Variants in RBPMS observed in about 807,000 individuals in gnomAD.
The protein encoded by RBPMS is RNA-binding protein with multiple splicing.
A neutral mutation model predicts 26.8 loss-of-function variants in RBPMS; 7 were observed. The observed-to-expected ratio is 0.26, with a 90% CI of 0.15 to 0.49. The LOEUF (loss-of-function observed/expected upper bound fraction) is 0.49. RBPMS is among the 20% of genes least tolerant of loss of function. The pLI is 0.98. For missense variants in RBPMS, 186 were observed against 250.0 expected (o/e 0.74, Z 1.73); for synonymous variants, 96 against 93.3 (o/e 1.03, Z -0.17).
In RBPMS at chr8:30,513,702, T is replaced by C. The variant is rs78332937; in HGVS notation, c.397+9266T>C. 6.6e-4 allele frequency among the ~76,000 whole-genome samples: 101 copies of C among 152,170 alleles called. 2 individuals carry two copies. In the East Asian group the frequency reaches 0.016, roughly 25 times the overall value. On this transcript the variant is annotated intron_variant, in intron 5 of 8. Transcript: ENST00000397323. ...ACTTTTGTTTTATGAACTCAAATTA[T>C]TCATTATATTCTTAGAGATGAAAGA...
At chr8:30,551,838 T>C (rs1281700812) in intron 6 of RBPMS, among the ~76,000 whole-genome samples, 1 of 152,200 alleles carries the variant, frequency 6.6e-6, no homozygotes, top group Non-Finnish European at 1.5e-5. Flanking sequence ...CAAGTTGGTT[T>C]TTAACTGCAC....
intron 4 of RBPMS, among the ~76,000 whole-genome samples, chr8:30,485,565 G>A (rs1032692139): frequency 2.6e-5 from 4 of 152,182 alleles, no homozygotes; most frequent in African/African-American, 9.7e-5. Flanking sequence ...GCCATTTGAC[G>A]TCACAGGGTT....
At chr8:30,391,812 C>A (rs1030408675) in intron 1 of RBPMS, among the ~76,000 whole-genome samples, 1 of 152,060 alleles carries the variant, frequency 6.6e-6, no homozygotes, top group East Asian at 1.9e-4. Context: ...AGCTGCTTGG[C>A]TTGTCAGTGT....
At chr8:30,427,532 T>A (rs1391910112) in intron 1 of RBPMS, among the ~76,000 whole-genome samples, 1 of 152,248 alleles carries the variant, frequency 6.6e-6, no homozygotes, top group Non-Finnish European at 1.5e-5. Flanking sequence ...CCAGATCAAA[T>A]GGAAGCCTCG....
intron 8 of RBPMS, among the ~76,000 whole-genome samples, chr8:30,567,636 CATG>C (rs1432056705): frequency 8.1e-6 from 1 of 122,720 alleles, no homozygotes; most frequent in Non-Finnish European, 1.9e-5. Context: ...GCTGGTTAGA[CATG>C]ATTTTAAATG....
In RBPMS at chr8:30,570,641, G is replaced by GA. The variant is rs576307363; in HGVS notation, c.*121dup. ...CATGTTTTCTTTCTGTTTCAGGCTT[G>GA]AAAAACCCTTGCCCAGTTTTGATCC... is the stretch of plus-strand genomic sequence containing the variant. On this transcript the variant is annotated 3_prime_UTR_variant, in exon 9 of 9. Coordinates refer to ENST00000397323, the MANE Select transcript of RBPMS (RefSeq NM_001008710.3). 1.6e-4 allele frequency: 25 copies of GA among 152,590 alleles called. No homozygotes were observed. The highest frequency in any genetic ancestry group is 3.5e-4 in the Non-Finnish European group (24 of 68,026). The allele number at this position is 152,590 out of a possible 1,614,324, so 9.5% of individuals were successfully genotyped here. A position where few individuals can be genotyped will look rare whatever the true frequency, so the allele number is the denominator to read the frequency against.
intron 4 of RBPMS, among the ~76,000 whole-genome samples, chr8:30,487,193 G>T (rs1426810523): frequency 6.6e-6 from 1 of 152,178 alleles, no homozygotes; most frequent in Non-Finnish European, 1.5e-5. Flanking sequence ...TGACGGTTCT[G>T]CAGGGCAGCA....
intron 6 of RBPMS, chr8:30,555,862 TCTC>T (rs1351232367): frequency 3.0e-6 from 3 of 984,984 alleles, no homozygotes; most frequent in South Asian, 4.7e-5. Flanking sequence ...GAGAGAACCC[TCTC>T]CTCATTACCC....
chr8:30,556,325 G>A (rs1202766062), intron 6 of RBPMS: 17 of 985,562 alleles, frequency 1.7e-5, no homozygotes, highest in African/African-American at 7.0e-5. Context: ...CCAGGCTGAC[G>A]AGAGCCTGAA....
intron 1 of RBPMS, among the ~76,000 whole-genome samples, chr8:30,459,664 C>G (rs199965721): frequency 6.6e-6 from 1 of 152,136 alleles, no homozygotes; most frequent in South Asian, 2.1e-4. Context: ...TGAGACCCAA[C>G]AAGGTCAGTC....
chr8:30,461,533 T>C (rs1815896145), intron 1 of RBPMS, among the ~76,000 whole-genome samples: 1 of 152,186 alleles, frequency 6.6e-6, no homozygotes. Context: ...TAGCTGGAAC[T>C]ACAGGCGCGT....
At chr8:30,566,767 T>C (rs543033739) in intron 8 of RBPMS, among the ~76,000 whole-genome samples, 1 of 152,324 alleles carries the variant, frequency 6.6e-6, no homozygotes, top group South Asian at 2.1e-4. Context: ...GTAATGTGTA[T>C]ATCCCCCCAT....
intron 1 of RBPMS, among the ~76,000 whole-genome samples, chr8:30,449,062 T>C (rs1814217045): frequency 1.3e-5 from 2 of 152,198 alleles, no homozygotes; most frequent in Admixed American, 1.3e-4. Context: ...GACAGGTAAC[T>C]TCTGCAAGGG....
chr8:30,464,847 T>C (rs891706150), intron 1 of RBPMS, among the ~76,000 whole-genome samples: 8 of 152,228 alleles, frequency 5.3e-5, no homozygotes, highest in African/African-American at 1.9e-4. Flanking sequence ...AAGTCTTTAT[T>C]GTGGTGATCA....
chr8:30,541,000 G>A (rs144463435), intron 5 of RBPMS, among the ~76,000 whole-genome samples: 2,812 of 152,260 alleles, frequency 0.018, 49 homozygotes, highest in Non-Finnish European at 0.029. Flanking sequence ...TGAGTATGTC[G>A]AGCATGAAGT....
At chr8:30,488,420 T>G (rs2150877477) in intron 4 of RBPMS, among the ~76,000 whole-genome samples, 1 of 152,256 alleles carries the variant, frequency 6.6e-6, no homozygotes, top group East Asian at 1.9e-4. Flanking sequence ...AAAAGAACAT[T>G]GAATAGAAGG....
chr8:30,436,912 G>A (rs934226451), intron 1 of RBPMS, among the ~76,000 whole-genome samples: 4 of 150,648 alleles, frequency 2.7e-5, no homozygotes, highest in African/African-American at 7.4e-5. Flanking sequence ...CTCCCTTGTC[G>A]TGATATATGT....
intron 5 of RBPMS, among the ~76,000 whole-genome samples, chr8:30,530,837 TTCC>T (rs1471750194): frequency 6.6e-6 from 1 of 151,988 alleles, no homozygotes; most frequent in African/African-American, 2.4e-5. Context: ...ACTACTACTA[TTCC>T]TCCTCCTCCT....
chr8:30,558,829 T>A (rs1427279874), intron 6 of RBPMS, 58 bp from the exon 7 acceptor site: 2 of 1,445,402 alleles, frequency 1.4e-6, no homozygotes, highest in Admixed American at 1.7e-5. Flanking sequence ...GGACCCTCCG[T>A]GAGAATGGGG....
Sources: gnomAD v4.1 joint callset for allele counts (sites outside exome capture counted in the v4.1 genomes callset) on GRCh38, gnomAD v4.1.1 for gene constraint, MANE v1.5 for transcripts, NCBI Gene and HGNC (gene_info 2026-07-23, HGNC 2026-07-21) for gene names.